SPG7: variants seen among roughly 807,000 people sequenced by gnomAD.
SPG7 encodes the protein mitochondrial inner membrane m-AAA protease component paraplegin.
In SPG7, 103 loss-of-function variants were observed where a neutral mutation model predicts 81.9. The ratio of observed to expected loss-of-function variants is 1.26; its 90% CI spans 1.07 to 1.48. SPG7 has a LOEUF of 1.48. Among genes scored for constraint, SPG7 ranks in the 40% most tolerant of loss-of-function variants. The probability of loss-of-function intolerance (pLI) is 0.00; values close to 1 mark genes in which losing one functional copy is unlikely to be tolerated. For synonymous variants in SPG7, 534 were observed against 444.2 expected (o/e 1.20, Z -2.54); for missense variants, 1,241 against 1,087.3 (o/e 1.14, Z -1.99).
At chr16:89,546,322 G>A (rs2058562726) in intron 10 of SPG7, 1 of 351,024 alleles carries the variant, frequency 2.8e-6, no homozygotes, top group Admixed American at 3.9e-5. Flanking sequence ...CTCCCAAAGT[G>A]CTAGGATTAC....
At chr16:89,512,163 G>A (rs2058032289) in intron 2 of SPG7, among the ~76,000 whole-genome samples, 2 of 152,092 alleles carry the variant, frequency 1.3e-5, no homozygotes, top group East Asian at 3.9e-4. Flanking sequence ...CACCCGACTC[G>A]GCCTCCCAAA....
intron 9 of SPG7, chr16:89,537,110 T>C: frequency 6.7e-7 from 1 of 1,497,084 alleles, no homozygotes; most frequent in Non-Finnish European, 8.9e-7. Context: ...GCCACAGCTG[T>C]GCATGCTCAG....
chr16:89,540,805 C>A, intron 9 of SPG7: 2 of 748,586 alleles, frequency 2.7e-6, no homozygotes, highest in Non-Finnish European at 3.3e-6. Context: ...CCTGGGTGCT[C>A]ATCCCAGGAA....
At position 89,524,902 on chromosome 16, in the gene SPG7, G is replaced by C. The variant is rs539007368; in HGVS notation, c.618+655G>C. Among the ~76,000 whole-genome samples, 31 of 151,774 alleles carry C rather than the reference G, an allele frequency of 2.0e-4. 1 individual carries two copies. The Middle Eastern group carries it at 0.014, about 67-fold the overall frequency. ...GACCGTGGCCTCCACCAGAGCTTCT[G>C]CCCCTTTGCTGGGTTACTCAGGATT... On this transcript the variant is annotated intron_variant, in intron 4 of 16. Transcript: ENST00000645818.
chr16:89,543,245 C>CCACCAGTGGATTCTTTTTTTTTT (rs2058520948), intron 9 of SPG7: 1 of 149,324 alleles, frequency 6.7e-6, no homozygotes, highest in African/African-American at 2.5e-5. Flanking sequence ...CCGCGCCTGG[C>CCACCAGTGGATTCTTTTTTTTTT]TATATCCTGT....
At chr16:89,523,414 G>C in intron 3 of SPG7, 1 of 326,648 alleles carries the variant, frequency 3.1e-6, no homozygotes. Context: ...TATTTCTTGA[G>C]GCAGGTTGTG....
chr16:89,518,373 G>C (rs1409486427), intron 3 of SPG7: 1 of 152,174 alleles, frequency 6.6e-6, no homozygotes, highest in Non-Finnish European at 1.5e-5. Context: ...ATTATACGGA[G>C]TGAAAAAAGG....
At chr16:89,520,313 A>C (rs1284214953) in intron 3 of SPG7, 1 of 159,806 alleles carries the variant, frequency 6.3e-6, no homozygotes, top group Non-Finnish European at 1.4e-5. Flanking sequence ...AACAGAAGTT[A>C]AGGACTTCAT....
chr16:89,529,141 C>G (rs1489050368), intron 5 of SPG7: 1 of 375,472 alleles, frequency 2.7e-6, no homozygotes, highest in East Asian at 6.5e-5. Flanking sequence ...TTAGGCTGAT[C>G]TTGCCTGCCT....
intron 9 of SPG7, chr16:89,537,073 A>G (rs1028544111): frequency 1.3e-6 from 2 of 1,557,790 alleles, no homozygotes; most frequent in African/African-American, 1.4e-5. Context: ...GTTGAGTGCC[A>G]GCTCTAAACA....
Position 89,557,369 on chromosome 16 carries a change from GTTAT to G in SPG7, c.*277_*280del. 1 of 483,844 alleles carries G rather than the reference GTTAT, an allele frequency of 2.1e-6. No homozygotes were observed. The highest frequency in any genetic ancestry group is 3.8e-6 in the Non-Finnish European group (1 of 264,384). The allele number at this position is 483,844 out of a possible 1,614,324, so 30.0% of individuals were successfully genotyped here. ...GCATGGAACACTTCGAGTTCCCAGG[GTTAT>G]AGACAGTCGTTCCCAGTGTGGCTGA... On this transcript the variant is annotated 3_prime_UTR_variant, in exon 17 of 17. Coordinates refer to ENST00000645818, the MANE Select transcript of SPG7 (RefSeq NM_003119.4).
chr16:89,531,261 C>T (rs184637600), intron 7 of SPG7: 15 of 295,046 alleles, frequency 5.1e-5, no homozygotes, highest in African/African-American at 2.6e-4. Context: ...CAGTGGGTCA[C>T]GCCTGTAGTC....
chr16:89,544,466 G>A, intron 9 of SPG7, 182 bp from the exon 10 acceptor site: 1 of 671,182 alleles, frequency 1.5e-6, no homozygotes, highest in East Asian at 2.9e-5. Flanking sequence ...GTTCCTCCTG[G>A]TGATGCTGGC....
At chr16:89,552,896 C>G (rs1471626699) in intron 13 of SPG7, 83 bp from the exon 14 acceptor site, 7 of 1,355,016 alleles carry the variant, frequency 5.2e-6, no homozygotes, top group Middle Eastern at 2.5e-4. Context: ...GCTTTAATGA[C>G]GGAGACCTCT....
intron 1 of SPG7, among the ~76,000 whole-genome samples, chr16:89,509,527 G>A (rs1436988392): frequency 2.6e-5 from 4 of 151,866 alleles, no homozygotes; most frequent in African/African-American, 9.7e-5. Flanking sequence ...GGGATTACAG[G>A]GCGTGAGCCA....
chr16:89,521,527 G>A (rs1322187996), intron 3 of SPG7: 1 of 152,246 alleles, frequency 6.6e-6, no homozygotes, highest in African/African-American at 2.4e-5. Context: ...AGAATCACCT[G>A]AGCTCAGTCG....
chr16:89,547,221 A>T (rs956866565), intron 11 of SPG7: 1 of 204,352 alleles, frequency 4.9e-6, no homozygotes, highest in Non-Finnish European at 1.0e-5. Context: ...CCTCCCTTTT[A>T]TTATGAGATG....
chr16:89,554,142 G>A (rs1223684623), intron 15 of SPG7, among the ~76,000 whole-genome samples, 182 bp downstream of exon 15: 2 of 152,212 alleles, frequency 1.3e-5, no homozygotes, highest in African/African-American at 4.8e-5. Flanking sequence ...CTCAAATGAG[G>A]ACATAGATGC....
At chr16:89,523,038 C>G (rs557446124) in intron 3 of SPG7, 1 of 155,190 alleles carries the variant, frequency 6.4e-6, no homozygotes, top group African/African-American at 2.4e-5. Context: ...GTCCACCTCC[C>G]CTCGAGGTAT....
Sources: allele counts gnomAD v4.1 joint callset (sites outside exome capture counted in the v4.1 genomes callset), GRCh38; gene constraint gnomAD v4.1.1; transcripts MANE v1.5; gene names NCBI Gene and HGNC (gene_info 2026-07-23, HGNC 2026-07-21).